Variants in WNK3 observed in about 807,000 individuals in gnomAD.
WNK3 encodes the protein WNK lysine deficient protein kinase 3.
In WNK3, 18 loss-of-function variants were observed where a neutral mutation model predicts 116.7. The observed-to-expected ratio is 0.15, with a 90% confidence interval of 0.11 to 0.23. The LOEUF is 0.23. Among genes scored for constraint, WNK3 ranks in the 10% least tolerant of loss-of-function variants. The pLI, the probability that WNK3 is intolerant of heterozygous loss-of-function variation, is 1.00. For synonymous variants in WNK3, 404 were observed against 469.4 expected, an observed-to-expected ratio of 0.86 and a Z score of 1.80; for missense variants, 993 against 1,323.8, an observed-to-expected ratio of 0.75 and a Z score of 3.88.
chrX:54,344,813 G>A (rs1463661609), intron 1 of WNK3, among the ~76,000 whole-genome samples: 1 of 106,945 alleles, frequency 9.4e-6, no homozygotes, highest in Non-Finnish European at 1.9e-5. Flanking sequence ...GCGTGGTGGC[G>A]AGCGTCTGTA....
chrX:54,249,816 T>C (rs1196847999), intron 16 of WNK3, among the ~76,000 whole-genome samples, 178 bp downstream of exon 16: 1 of 111,905 alleles, frequency 8.9e-6, no homozygotes. Context: ...TTTCCTTTTT[T>C]CTCATAAATA....
chrX:54,238,909 C>T (rs782475066), exon 18 of WNK3: 18 of 1,199,829 alleles, frequency 1.5e-5, no homozygotes, highest in East Asian at 3.0e-5. Context: ...GGTTGACTGC[C>T]GTAGCCTGTA....
chrX:54,229,999 T>TA (rs1756816645), intron 21 of WNK3, among the ~76,000 whole-genome samples: 1 of 111,394 alleles, frequency 9.0e-6, no homozygotes, highest in African/African-American at 3.3e-5. Context: ...TCACAATTTT[T>TA]AAAAAAAATT....
chrX:54,339,898 G>A (rs886395877), intron 1 of WNK3, among the ~76,000 whole-genome samples: 7 of 111,628 alleles, frequency 6.3e-5, no homozygotes, highest in Non-Finnish European at 1.3e-4. Context: ...GGTGGCTCAC[G>A]CCTCTGTTTG....
intron 2 of WNK3, among the ~76,000 whole-genome samples, chrX:54,316,509 C>A (rs967277058): frequency 6.1e-5 from 6 of 98,649 alleles, no homozygotes; most frequent in Non-Finnish European, 2.0e-5. Context: ...CACCGCACTC[C>A]AGCCTGGGCA....
chrX:54,269,773 T>C (rs1320593224), intron 10 of WNK3, among the ~76,000 whole-genome samples: 2 of 110,835 alleles, frequency 1.8e-5, no homozygotes, highest in Non-Finnish European at 3.8e-5. Flanking sequence ...TGTAGATGAA[T>C]CTCGGTGAAC....
intron 1 of WNK3, among the ~76,000 whole-genome samples, chrX:54,335,781 T>C (rs1230170945): frequency 1.8e-5 from 2 of 112,233 alleles, no homozygotes; most frequent in Non-Finnish European, 3.8e-5. Context: ...ATCAAGCTAA[T>C]CCTAAAATGC....
At chrX:54,294,667 G>C in exon 8 of WNK3, 1 of 1,210,137 alleles carries the variant, frequency 8.3e-7, no homozygotes, top group Non-Finnish European at 1.1e-6. Flanking sequence ...GGAGCAAGGG[G>C]TAAAGTTGTA....
intron 17 of WNK3, among the ~76,000 whole-genome samples, chrX:54,241,464 A>C (rs2068020684): frequency 8.9e-6 from 1 of 111,925 alleles, no homozygotes; most frequent in African/African-American, 3.2e-5. Flanking sequence ...AATAACACAG[A>C]ATAAGACTTC....
At chrX:54,283,766 CAA>C (rs782377430) in intron 10 of WNK3, among the ~76,000 whole-genome samples, 2 of 24,087 alleles carry the variant, frequency 8.3e-5, no homozygotes, top group Non-Finnish European at 1.5e-4. Context: ...AAGACTGTCT[CAA>C]AAAAAAAAAA....
intron 1 of WNK3, among the ~76,000 whole-genome samples, chrX:54,349,544 C>A (rs2069484159): frequency 9.0e-6 from 1 of 111,531 alleles, no homozygotes; most frequent in African/African-American, 3.3e-5. Context: ...ATTCCCCTCC[C>A]CCCACTATTA....
chrX:54,337,698 G>A (rs2069260948), intron 1 of WNK3, among the ~76,000 whole-genome samples: 1 of 109,316 alleles, frequency 9.1e-6, no homozygotes, highest in African/African-American at 3.3e-5. Context: ...AGAGGTTGTC[G>A]TGAGCCGAGA....
chrX:54,311,642 A>C (rs2068888292), intron 2 of WNK3, among the ~76,000 whole-genome samples: 1 of 112,288 alleles, frequency 8.9e-6, no homozygotes, highest in African/African-American at 3.2e-5. Context: ...TATCTAAAAC[A>C]TCTGTAATGT....
At position 54,250,694 on chromosome X, in the gene WNK3, A is replaced by G. The variant is rs1036138481; in HGVS notation, c.2576-563T>C. ...AAAAATAAGATATAGGAAGGACTGC[A>G]TCCTAACACAGTCAAACTAAATTTC... On this transcript the variant is annotated intron_variant, in intron 15 of 23. Coordinates refer to ENST00000354646, the Ensembl canonical transcript of WNK3. Among the ~76,000 whole-genome samples, 4 of 111,616 alleles carry G rather than the reference A, an allele frequency of 3.6e-5. No individual in the cohort carries two copies. The Admixed American group carries it at 3.8e-4, about 11-fold the overall frequency.
chrX:54,340,149 C>T (rs1603400941), intron 1 of WNK3, among the ~76,000 whole-genome samples: 1 of 109,569 alleles, frequency 9.1e-6, no homozygotes, highest in Non-Finnish European at 1.9e-5. Flanking sequence ...GACTCAGTCT[C>T]AAAAAAACAA....
intron 10 of WNK3, among the ~76,000 whole-genome samples, chrX:54,291,964 C>T (rs1446298576): frequency 9.0e-6 from 1 of 111,175 alleles, no homozygotes; most frequent in Non-Finnish European, 1.9e-5. Context: ...AGGAGAAAAC[C>T]GGGTAATGGC....
Position 54,293,051 on chromosome X carries a change from G to A in WNK3, c.1888-14C>T, listed in dbSNP as rs1479163622. ...ATGCTTCTGTAACTGTTAAAATAAGGGGAAAAAAAGATTAAAGATAAACTT... is the reference window on the plus strand; with the variant it reads ...ATGCTTCTGTAACTGTTAAAATAAGAGGAAAAAAAGATTAAAGATAAACTT... On this transcript the variant is annotated splice_polypyrimidine_tract_variant and intron_variant, in intron 9 of 23. Coordinates refer to ENST00000354646, the Ensembl canonical transcript of WNK3. 1 of 1,198,127 alleles carries A rather than the reference G, an allele frequency of 8.3e-7. No individual in the cohort carries two copies. Among genetic ancestry groups the A allele is most frequent in the African/African-American group, 1.8e-5 (1 of 56,574 alleles).
chrX:54,219,669 C>CAAAA (rs34431672), intron 22 of WNK3, among the ~76,000 whole-genome samples: 10 of 15,189 alleles, frequency 6.6e-4, no homozygotes, highest in Non-Finnish European at 1.1e-3. Context: ...CTCCATCTCC[C>CAAAA]AAAAAAAAAA....
chrX:54,225,384 GC>G (rs1207181581), intron 22 of WNK3, among the ~76,000 whole-genome samples: 20 of 109,898 alleles, frequency 1.8e-4, no homozygotes, highest in Non-Finnish European at 3.4e-4. Context: ...ACTTTGGGAG[GC>G]TGAGGTGGGT....
Sources: gnomAD v4.1 joint callset for allele counts (sites outside exome capture counted in the v4.1 genomes callset) on GRCh38, gnomAD v4.1.1 for gene constraint, MANE v1.5 for transcripts, NCBI Gene and HGNC (gene_info 2026-07-23, HGNC 2026-07-21) for gene names.